Variants in CDRT4 observed in about 807,000 individuals in gnomAD.
CDRT4 encodes CMT1A duplicated region transcript 4 protein.
For missense variants in CDRT4, 167 were observed against 193.1 expected (o/e 0.87, Z 0.80); for synonymous variants, 64 against 69.6 (o/e 0.92, Z 0.40).
At chr17:15,439,626 T>C (rs7221309) in intron 3 of CDRT4, among the ~76,000 whole-genome samples, 3,289 of 152,316 alleles carry the variant, frequency 0.022, 118 homozygotes, top group African/African-American at 0.073. Flanking sequence ...TGCTGTGTTC[T>C]CTGCCACCAT....
chr17:15,439,098 C>T (rs748600467), intron 3 of CDRT4: 2 of 455,862 alleles, frequency 4.4e-6, no homozygotes, highest in Admixed American at 2.4e-5. Flanking sequence ...TCATTAGCAA[C>T]GTCACTCTAT....
intron 2 of CDRT4, among the ~76,000 whole-genome samples, chr17:15,452,348 G>A (rs1979300383): frequency 6.6e-6 from 1 of 152,248 alleles, no homozygotes; most frequent in African/African-American, 2.4e-5. Flanking sequence ...CTGTTAAGGA[G>A]CAAGAATTCA....
chr17:15,445,126 G>T (rs1021007623), intron 2 of CDRT4, among the ~76,000 whole-genome samples: 1 of 152,136 alleles, frequency 6.6e-6, no homozygotes, highest in African/African-American at 2.4e-5. Flanking sequence ...CCCTACTAAG[G>T]CTGTGAAAGT....
intron 2 of CDRT4, among the ~76,000 whole-genome samples, chr17:15,449,088 C>A (rs1323929812): frequency 6.6e-6 from 1 of 152,222 alleles, no homozygotes; most frequent in Admixed American, 6.5e-5. Context: ...CATGGCAAAG[C>A]CTTAATACCA....
intron 2 of CDRT4, chr17:15,444,036 C>T (rs1456892191): frequency 2.3e-6 from 2 of 856,652 alleles, no homozygotes; most frequent in Admixed American, 2.0e-5. Flanking sequence ...TTCAGTATCT[C>T]AAACCCAGAA....
chr17:15,453,456 T>C (rs1979350678), intron 1 of CDRT4, among the ~76,000 whole-genome samples: 1 of 152,224 alleles, frequency 6.6e-6, no homozygotes, highest in Non-Finnish European at 1.5e-5. Context: ...GGTTTTAATG[T>C]GTCTTCTTGG....
chr17:15,466,868 T>C (rs1980063510), intron 1 of CDRT4, among the ~76,000 whole-genome samples: 1 of 152,366 alleles, frequency 6.6e-6, no homozygotes, highest in Non-Finnish European at 1.5e-5. Context: ...TATTTTTAAA[T>C]AAGTGACTTG....
chr17:15,436,609 C>T lies in CDRT4; in HGVS notation c.*1164G>A, dbSNP rs935046766. The T allele has an allele frequency of 1.3e-5, 2 of 152,210 alleles. No individual in the cohort carries two copies. Among genetic ancestry groups the T allele is most frequent in the African/African-American group, 4.8e-5 (2 of 41,442 alleles). The allele number at this position is 152,210 out of a possible 1,614,324, so 9.4% of individuals were successfully genotyped here. A position where few individuals can be genotyped will look rare whatever the true frequency, so the allele number is the denominator to read the frequency against. On this transcript the variant is annotated 3_prime_UTR_variant, in exon 4 of 4. Transcript: ENST00000619038. The stretch of plus-strand genomic sequence containing the variant: ...TCCTCTGACAAATAACAGCTGGAGT[C>T]CTGCCAGGAGCTCCTCCCCCAAGCA...
chr17:15,445,531 C>T (rs552987479), intron 2 of CDRT4, among the ~76,000 whole-genome samples: 20 of 152,282 alleles, frequency 1.3e-4, no homozygotes, highest in Middle Eastern at 3.4e-3. Flanking sequence ...TCATTTAATG[C>T]GTGGGTCATC....
chr17:15,440,101 T>TA (rs76160834), intron 3 of CDRT4, 107 bp downstream of exon 3: 26,910 of 771,518 alleles, frequency 0.035, 20 homozygotes, highest in African/African-American at 0.039. Flanking sequence ...AAATATATAT[T>TA]AAAAAAAAAA....
chr17:15,451,928 C>G (rs1341398860), intron 2 of CDRT4, among the ~76,000 whole-genome samples: 3 of 152,228 alleles, frequency 2.0e-5, no homozygotes, highest in Admixed American at 6.5e-5. Flanking sequence ...ATTCATTGCT[C>G]TGTCCCCAGG....
At position 15,437,389 on chromosome 17, in the gene CDRT4, T is replaced by C; in HGVS notation, c.*384A>G. The C allele has an allele frequency of 3.9e-6, 1 of 256,598 alleles. No individual in the cohort carries two copies. Among genetic ancestry groups the C allele is most frequent in the Non-Finnish European group, 7.5e-6 (1 of 132,770 alleles). The allele number at this position is 256,598 out of a possible 1,614,324, so 15.9% of individuals were successfully genotyped here. ...TGTGGTGCTACCTCCATGGATACCT[T>C]TGTATTCCCTTCCTGCCCTTTACTG... is the stretch of plus-strand genomic sequence containing the variant. On this transcript the variant is annotated 3_prime_UTR_variant, in exon 4 of 4. Coordinates refer to ENST00000619038, the MANE Select transcript of CDRT4 (RefSeq NM_001204477.2).
At chr17:15,463,683 G>A (rs546136336) in intron 1 of CDRT4, among the ~76,000 whole-genome samples, 71 of 152,178 alleles carry the variant, frequency 4.7e-4, no homozygotes, top group African/African-American at 1.7e-3. Flanking sequence ...TCTGCGGTGG[G>A]CTCTCCACTC....
rs986238375 is a variant in CDRT4 at position 15,464,522 on chromosome 17, A to G, written c.-130+2938T>C. On this transcript the variant is annotated intron_variant, in intron 1 of 3. Transcript: ENST00000619038. This position sits in a 1 kb window ranked among gnomAD's most constrained non-coding sequence, Gnocchi z 4.5. ...CTAGATGCTGGGCATTAGCAATCTG[A>G]GAGCTGGGTAACAAGTCCTGGGGTG... Among the ~76,000 whole-genome samples, 2 of 152,026 alleles carry G rather than the reference A, an allele frequency of 1.3e-5. No homozygotes were observed. Among genetic ancestry groups the G allele is most frequent in the Non-Finnish European group, 2.9e-5 (2 of 68,014 alleles).
intron 1 of CDRT4, among the ~76,000 whole-genome samples, chr17:15,462,542 C>T (rs936149894): frequency 4.0e-5 from 6 of 151,630 alleles, no homozygotes; most frequent in East Asian, 1.9e-4. Flanking sequence ...TAGCTGGACA[C>T]TGCAGACAGA....
intron 2 of CDRT4, chr17:15,444,008 G>A: frequency 1.3e-6 from 1 of 779,630 alleles, no homozygotes; most frequent in South Asian, 1.4e-5. Flanking sequence ...GGGTTTGGAT[G>A]AGACCAAGTG....
At chr17:15,458,702 C>G (rs1979603089) in intron 1 of CDRT4, among the ~76,000 whole-genome samples, 1 of 152,176 alleles carries the variant, frequency 6.6e-6, no homozygotes, top group Non-Finnish European at 1.5e-5. Context: ...TTAATCCACT[C>G]ATTTAATCTG....
chr17:15,443,661 A>G, intron 2 of CDRT4: 1 of 387,304 alleles, frequency 2.6e-6, no homozygotes, highest in Non-Finnish European at 4.9e-6. Context: ...CTCAGCAATC[A>G]GACTGCTAAC....
intron 2 of CDRT4, among the ~76,000 whole-genome samples, chr17:15,449,961 T>C (rs548338892): frequency 7.9e-5 from 12 of 152,298 alleles, no homozygotes; most frequent in East Asian, 5.8e-4. Context: ...CAGTCAACCA[T>C]TGGTGGACAC....
Sources: gnomAD v4.1 joint callset for allele counts (sites outside exome capture counted in the v4.1 genomes callset) on GRCh38, gnomAD v4.1.1 for gene constraint, Gnocchi (gnomAD v3.1) non-coding constraint, MANE v1.5 for transcripts, NCBI Gene and HGNC (gene_info 2026-07-23, HGNC 2026-07-21) for gene names.